Variants in CNTN4 observed in about 807,000 individuals in gnomAD.
The protein encoded by CNTN4 is contactin-4.
Under a neutral mutation model 122.5 loss-of-function variants are expected in CNTN4, and 77 were observed. The observed-to-expected ratio is 0.63, with a 90% CI of 0.52 to 0.76. The LOEUF (loss-of-function observed/expected upper bound fraction) is 0.76, where lower values mean the gene tolerates loss of function less well. Ranked by LOEUF, CNTN4 falls within the 30% of genes least tolerant of loss-of-function variation. The pLI is 0.00. For synonymous variants in CNTN4, 512 were observed against 447.0 expected, an observed-to-expected ratio of 1.15 and a Z score of -1.83; for missense variants, 1,256 against 1,259.1, an observed-to-expected ratio of 1.00 and a Z score of 0.04.
At chr3:3,006,665 A>G (rs1293443448) in intron 14 of CNTN4, among the ~76,000 whole-genome samples, 1 of 152,200 alleles carries the variant, frequency 6.6e-6, no homozygotes, top group Non-Finnish European at 1.5e-5. Context: ...CAGACCAAGG[A>G]AAAACAGAGG....
intron 13 of CNTN4, among the ~76,000 whole-genome samples, chr3:2,929,242 G>C (rs1183046428): frequency 1.3e-5 from 2 of 152,148 alleles, no homozygotes; most frequent in African/African-American, 4.8e-5. Flanking sequence ...TCACCATAAA[G>C]GCAGTTGGAA....
chr3:2,267,163 T>C (rs2041087183), intron 2 of CNTN4, among the ~76,000 whole-genome samples: 1 of 152,086 alleles, frequency 6.6e-6, no homozygotes. Flanking sequence ...AACTTACGAT[T>C]GTGGTGTGTA....
intron 4 of CNTN4, among the ~76,000 whole-genome samples, chr3:2,700,250 C>G (rs540266194): frequency 6.6e-6 from 1 of 152,310 alleles, no homozygotes; most frequent in African/African-American, 2.4e-5. Flanking sequence ...ATGAGATCAT[C>G]ATGTCCAGTT....
chr3:2,516,056 A>C (rs1375307754), intron 3 of CNTN4, among the ~76,000 whole-genome samples: 1 of 152,066 alleles, frequency 6.6e-6, no homozygotes, highest in Non-Finnish European at 1.5e-5. Context: ...TTTAAATGTT[A>C]GTTGAAATAC....
chr3:2,137,724 C>T (rs764416868), intron 2 of CNTN4, among the ~76,000 whole-genome samples: 23 of 152,052 alleles, frequency 1.5e-4, no homozygotes, highest in Non-Finnish European at 2.5e-4. Context: ...ATGAATTTTT[C>T]GAAAGATTTT....
chr3:2,585,216 T>C (rs1430571822), intron 4 of CNTN4, among the ~76,000 whole-genome samples: 3 of 151,990 alleles, frequency 2.0e-5, no homozygotes, highest in Admixed American at 2.0e-4. Context: ...TGTGGAGAAA[T>C]AGAAACACTT....
intron 6 of CNTN4, among the ~76,000 whole-genome samples, chr3:2,754,297 A>T (rs1041046380): frequency 6.6e-6 from 1 of 152,218 alleles, no homozygotes; most frequent in Admixed American, 6.5e-5. Context: ...GCAAAGCAAA[A>T]GACTTAAGCT....
At chr3:2,335,868 G>A (rs983500990) in intron 2 of CNTN4, among the ~76,000 whole-genome samples, 13 of 152,050 alleles carry the variant, frequency 8.5e-5, no homozygotes, top group South Asian at 8.3e-4. Flanking sequence ...TTATTTTGGC[G>A]TAACCCTTAG....
At chr3:2,576,849 C>G (rs1055469906) in intron 4 of CNTN4, among the ~76,000 whole-genome samples, 1 of 152,208 alleles carries the variant, frequency 6.6e-6, no homozygotes, top group East Asian at 1.9e-4. Context: ...CACCAGGTCA[C>G]GCCTCGCCCA....
intron 3 of CNTN4, among the ~76,000 whole-genome samples, chr3:2,383,656 C>T (rs935278415): frequency 6.7e-6 from 1 of 149,898 alleles, no homozygotes; most frequent in Non-Finnish European, 1.5e-5. Context: ...ACTCTCTCTT[C>T]CCCCATTTCC....
intron 12 of CNTN4, among the ~76,000 whole-genome samples, chr3:2,912,978 C>T (rs965617721): frequency 6.6e-6 from 1 of 152,084 alleles, no homozygotes; most frequent in Admixed American, 6.5e-5. Flanking sequence ...ATGGTGAAAC[C>T]CCATGTCTAC....
chr3:2,831,186 T>C lies in CNTN4; in HGVS notation c.454+11605T>C, dbSNP rs561112505. On this transcript the variant is annotated intron_variant, in intron 7 of 24. Transcript: ENST00000418658. Reference sequence around the variant, plus strand: ...ACACAAAGGAATAAATCATGGCATTTTGTATGAGGGTAGGATTAAAGCTTT... The same window carrying C: ...ACACAAAGGAATAAATCATGGCATTCTGTATGAGGGTAGGATTAAAGCTTT... Among the ~76,000 whole-genome samples, 13 of 152,284 alleles carry C rather than the reference T, an allele frequency of 8.5e-5. No homozygotes were observed. In the East Asian group the frequency reaches 2.5e-3, roughly 29 times the overall value.
chr3:2,445,638 T>C (rs1307916772), intron 3 of CNTN4, among the ~76,000 whole-genome samples: 1 of 152,228 alleles, frequency 6.6e-6, no homozygotes, highest in Non-Finnish European at 1.5e-5. Context: ...TGGATGTTAA[T>C]GCTAGATTCA....
intron 6 of CNTN4, among the ~76,000 whole-genome samples, chr3:2,782,747 CT>C (rs2091655579): frequency 6.6e-6 from 1 of 152,058 alleles, no homozygotes; most frequent in South Asian, 2.1e-4. Flanking sequence ...TAAGCTACTG[CT>C]TTTATTTCTC....
At chr3:2,165,403 A>G (rs753768717) in intron 2 of CNTN4, among the ~76,000 whole-genome samples, 1 of 152,158 alleles carries the variant, frequency 6.6e-6, no homozygotes, top group Non-Finnish European at 1.5e-5. Flanking sequence ...TTGAAAAATA[A>G]AAATTGTTTA....
At chr3:2,603,957 C>T (rs747277405) in intron 4 of CNTN4, among the ~76,000 whole-genome samples, 5 of 152,154 alleles carry the variant, frequency 3.3e-5, no homozygotes, top group Non-Finnish European at 5.9e-5. Flanking sequence ...CCTCTGCCCA[C>T]GGGTCATTCA....
chr3:2,907,601 C>A (rs2094251840), intron 12 of CNTN4, among the ~76,000 whole-genome samples: 1 of 151,434 alleles, frequency 6.6e-6, no homozygotes, highest in Admixed American at 6.6e-5. Flanking sequence ...TCTTGATAAT[C>A]TGTATAAGAA....
chr3:2,973,983 G>A (rs916902217), intron 13 of CNTN4, among the ~76,000 whole-genome samples: 1 of 152,122 alleles, frequency 6.6e-6, no homozygotes, highest in African/African-American at 2.4e-5. Context: ...ATCTTGGATG[G>A]TACACAGTAT....
chr3:2,448,180 C>T (rs974899073), intron 3 of CNTN4, among the ~76,000 whole-genome samples: 5 of 152,008 alleles, frequency 3.3e-5, no homozygotes, highest in African/African-American at 4.8e-5. Context: ...GAGCAGGCAG[C>T]GAAGCCTGGT....
Sources: allele counts gnomAD v4.1 joint callset (sites outside exome capture counted in the v4.1 genomes callset), GRCh38; gene constraint gnomAD v4.1.1; transcripts MANE v1.5; gene names NCBI Gene and HGNC (gene_info 2026-07-23, HGNC 2026-07-21).